The following UBE2K variants were observed in gnomAD, a reference collection of about 807,000 sequenced individuals.
UBE2K encodes ubiquitin conjugating enzyme E2 K, also known as ubiquitin-conjugating enzyme E2 K.
A neutral mutation model predicts 30.0 loss-of-function variants in UBE2K; 6 were observed. The observed-to-expected ratio is 0.20, with a 90% confidence interval of 0.11 to 0.39. The LOEUF (loss-of-function observed/expected upper bound fraction) is 0.39, where lower values mean the gene tolerates loss of function less well. UBE2K is among the 10% of genes least tolerant of loss of function. The probability of loss-of-function intolerance (pLI) is 1.00; values close to 1 mark genes in which losing one functional copy is unlikely to be tolerated. For synonymous variants in UBE2K, 86 were observed against 83.7 expected (o/e 1.03, Z -0.15); for missense variants, 61 against 241.6 (o/e 0.25, Z 4.96).
intron 1 of UBE2K, among the ~76,000 whole-genome samples, chr4:39,726,850 G>A (rs1336113407): frequency 1.3e-5 from 2 of 152,122 alleles, no homozygotes; most frequent in African/African-American, 4.8e-5. Flanking sequence ...ACCCACCTCA[G>A]CCTCCCAAAG....
chr4:39,744,031 T>C (rs772615436), intron 2 of UBE2K, among the ~76,000 whole-genome samples: 5 of 152,068 alleles, frequency 3.3e-5, no homozygotes, highest in Non-Finnish European at 5.9e-5. Flanking sequence ...CCCGGCTAAT[T>C]TTTGTATTTT....
intron 4 of UBE2K, among the ~76,000 whole-genome samples, chr4:39,764,948 G>A (rs980003514): frequency 2.0e-5 from 3 of 151,222 alleles, no homozygotes; most frequent in South Asian, 2.1e-4. Context: ...GTGCAGTGGC[G>A]CGATCTCGGC....
chr4:39,715,690 T>G (rs1163898477), intron 1 of UBE2K, among the ~76,000 whole-genome samples: 1 of 152,160 alleles, frequency 6.6e-6, no homozygotes, highest in South Asian at 2.1e-4. Context: ...AAGTTTAATT[T>G]TAAGGTATTC....
chr4:39,742,475 G>C (rs999412123), intron 2 of UBE2K, among the ~76,000 whole-genome samples: 5 of 152,136 alleles, frequency 3.3e-5, no homozygotes, highest in Non-Finnish European at 7.3e-5. Context: ...AACGGCTCAT[G>C]CCTGTAATCC....
chr4:39,760,209 A>C (rs1255959483), intron 4 of UBE2K, among the ~76,000 whole-genome samples: 10 of 150,712 alleles, frequency 6.6e-5, no homozygotes, highest in Non-Finnish European at 1.0e-4. Flanking sequence ...AAAAAAAAAA[A>C]ACAAATAATG....
At chr4:39,733,090 C>T (rs1346900142) in intron 1 of UBE2K, among the ~76,000 whole-genome samples, 2 of 147,568 alleles carry the variant, frequency 1.4e-5, no homozygotes, top group Non-Finnish European at 3.0e-5. Context: ...AGAGGTCCCG[C>T]TATGTGTTTA....
intron 1 of UBE2K, among the ~76,000 whole-genome samples, chr4:39,707,204 C>T (rs945964176): frequency 6.6e-6 from 1 of 151,850 alleles, no homozygotes; most frequent in Non-Finnish European, 1.5e-5. Flanking sequence ...GCCACCCCAC[C>T]TGGAGTTTTT....
At chr4:39,777,105 T>A (rs560050418) in intron 5 of UBE2K, among the ~76,000 whole-genome samples, 1 of 152,356 alleles carries the variant, frequency 6.6e-6, no homozygotes, top group East Asian at 1.9e-4. Context: ...CTCTTTCCAA[T>A]GCATATGGGA....
At chr4:39,767,664 G>A (rs1004029353) in intron 4 of UBE2K, among the ~76,000 whole-genome samples, 1 of 152,106 alleles carries the variant, frequency 6.6e-6, no homozygotes, top group Non-Finnish European at 1.5e-5. Context: ...TTGCCTTGTT[G>A]AGATATATGT....
chr4:39,739,846 C>T (rs1023243747), intron 2 of UBE2K, among the ~76,000 whole-genome samples: 3 of 152,218 alleles, frequency 2.0e-5, no homozygotes, highest in Non-Finnish European at 2.9e-5. Context: ...GCCTTGGTGT[C>T]CCAAAGTCTT....
chr4:39,725,560 G>T (rs10001359), intron 1 of UBE2K, among the ~76,000 whole-genome samples: 101 of 152,206 alleles, frequency 6.6e-4, no homozygotes, highest in African/African-American at 2.4e-3. Context: ...CCTTGGGTCA[G>T]TTAGCTCTGA....
chr4:39,711,373 T>A (rs911914880), intron 1 of UBE2K, among the ~76,000 whole-genome samples: 5 of 151,460 alleles, frequency 3.3e-5, no homozygotes, highest in East Asian at 3.9e-4. Flanking sequence ...CGTGTTAGCC[T>A]GGATGGTCTC....
At chr4:39,771,531 A>G (rs1011523334) in intron 4 of UBE2K, among the ~76,000 whole-genome samples, 8 of 151,706 alleles carry the variant, frequency 5.3e-5, no homozygotes, top group Non-Finnish European at 1.0e-4. Flanking sequence ...AGCGCCCCCC[A>G]CACACGGGCA....
intron 1 of UBE2K, among the ~76,000 whole-genome samples, chr4:39,728,905 G>T (rs1353680330): frequency 1.3e-5 from 2 of 148,348 alleles, no homozygotes; most frequent in Non-Finnish European, 3.0e-5. Context: ...TTGACCTCGT[G>T]ATCCACCCGC....
chr4:39,769,482 T>C (rs1490774011), intron 4 of UBE2K, among the ~76,000 whole-genome samples: 1 of 149,164 alleles, frequency 6.7e-6, no homozygotes, highest in Non-Finnish European at 1.5e-5. Flanking sequence ...CCATGTTCTC[T>C]TACCTGGCGT....
chr4:39,768,853 G>A (rs554955209), intron 4 of UBE2K, among the ~76,000 whole-genome samples: 23 of 151,962 alleles, frequency 1.5e-4, no homozygotes, highest in Non-Finnish European at 2.5e-4. Flanking sequence ...TCTCATTTTG[G>A]TTTGTTTTTT....
chr4:39,722,060 C>T (rs906568654), intron 1 of UBE2K, among the ~76,000 whole-genome samples: 7 of 152,118 alleles, frequency 4.6e-5, no homozygotes, highest in African/African-American at 9.6e-5. Context: ...CTCTGCAGTC[C>T]GGCCTAGGTG....
At chr4:39,731,162 G>C (rs1720053152) in intron 1 of UBE2K, among the ~76,000 whole-genome samples, 2 of 151,984 alleles carry the variant, frequency 1.3e-5, no homozygotes, top group South Asian at 4.1e-4. Context: ...CAAAGTGCTG[G>C]GATTACAGGC....
In UBE2K at chr4:39,771,363, C is replaced by T. The variant is rs1712817799; in HGVS notation, c.300-3471C>T. On this transcript the variant is annotated intron_variant, in intron 4 of 6. Transcript: ENST00000261427. ...CGCAGAACCACTCCTCTGCCCGGAG[C>T]TTGTTCATGTTCCGTAGCGTAGCGG... 5 of 1,612,710 alleles carry T rather than the reference C, an allele frequency of 3.1e-6. No homozygotes were observed. In the South Asian group the frequency reaches 4.4e-5, roughly 14 times the overall value.
Sources: allele counts gnomAD v4.1 joint callset (sites outside exome capture counted in the v4.1 genomes callset), GRCh38; gene constraint gnomAD v4.1.1; transcripts MANE v1.5; gene names NCBI Gene and HGNC (gene_info 2026-07-23, HGNC 2026-07-21).